Variants in NPAS2 observed in about 807,000 individuals in gnomAD.
The protein encoded by NPAS2 is neuronal PAS domain protein 2, also known as neuronal PAS domain-containing protein 2.
In NPAS2, 23 loss-of-function variants were observed where a neutral mutation model predicts 107.5. The observed-to-expected ratio is 0.21, with a 90% confidence interval of 0.15 to 0.30. NPAS2 has a LOEUF of 0.30. Among genes scored for constraint, NPAS2 ranks in the 10% least tolerant of loss-of-function variants. The pLI is 1.00. For missense variants in NPAS2, 756 were observed against 1,043.3 expected, an observed-to-expected ratio of 0.72 and a Z score of 3.79; for synonymous variants, 403 against 417.5, an observed-to-expected ratio of 0.97 and a Z score of 0.42.
At chr2:100,916,099 G>A (rs1682866352) in intron 2 of NPAS2, among the ~76,000 whole-genome samples, 1 of 151,884 alleles carries the variant, frequency 6.6e-6, no homozygotes, top group Non-Finnish European at 1.5e-5. Context: ...GAAATATGGA[G>A]GGGAAAACAA....
intron 16 of NPAS2, chr2:100,987,805 T>A: frequency 2.0e-6 from 1 of 489,776 alleles, no homozygotes; most frequent in Non-Finnish European, 3.7e-6. Context: ...AACATCTGGG[T>A]CTAAACAGCT....
At chr2:100,940,469 A>G (rs1336105637) in intron 5 of NPAS2, among the ~76,000 whole-genome samples, 1 of 152,272 alleles carries the variant, frequency 6.6e-6, no homozygotes, top group East Asian at 1.9e-4. Flanking sequence ...TCCTTTTGCA[A>G]TTTTGTTGAG....
intron 2 of NPAS2, among the ~76,000 whole-genome samples, chr2:100,916,581 A>G (rs1025226717): frequency 2.6e-5 from 4 of 152,206 alleles, no homozygotes; most frequent in Admixed American, 1.3e-4. Flanking sequence ...TACACCTAAA[A>G]ACAAAGCTTC....
rs1386029462 is a variant in NPAS2, at chr2:100,965,552, T to C, written c.801-108T>C. ...CAAAGTTATTTTTCTCCCCTTGTTC[T>C]TGAGAAATGAGGCCTCCATGTTGAT... On this transcript the variant is annotated intron_variant, in intron 9 of 20. Coordinates refer to ENST00000335681, the MANE Select transcript of NPAS2 (RefSeq NM_002518.4). This position sits in a 1 kb window ranked among gnomAD's most constrained non-coding sequence, Gnocchi z 4.3. The C allele has an allele frequency of 3.0e-6, 2 of 663,458 alleles. No individual in the cohort carries two copies. The highest frequency in any genetic ancestry group is 5.3e-6 in the Non-Finnish European group (2 of 376,566). The allele number at this position is 663,458 out of a possible 1,614,324, so 41.1% of individuals were successfully genotyped here. A position where few individuals can be genotyped will look rare whatever the true frequency, so the allele number is the denominator to read the frequency against.
chr2:100,938,837 A>G (rs1162159693), intron 5 of NPAS2, among the ~76,000 whole-genome samples: 1 of 152,036 alleles, frequency 6.6e-6, no homozygotes, highest in Non-Finnish European at 1.5e-5. Flanking sequence ...TGGACAAGAA[A>G]AAAACGTCCT....
At chr2:100,859,651 TG>T (rs1301952449) in intron 1 of NPAS2, among the ~76,000 whole-genome samples, 1 of 151,958 alleles carries the variant, frequency 6.6e-6, no homozygotes, top group Non-Finnish European at 1.5e-5. Context: ...AAGGACACCT[TG>T]GGTGGAGAGG....
intron 2 of NPAS2, among the ~76,000 whole-genome samples, chr2:100,912,215 CATTTATTT>C (rs200504991): frequency 0.28 from 39,696 of 143,146 alleles, 5,849 homozygotes; most frequent in East Asian, 0.33. Context: ...CAGTTTGCTC[CATTTATTT>C]ATTTATTTAT....
At chr2:100,889,259 C>CT (rs1431621915) in intron 1 of NPAS2, among the ~76,000 whole-genome samples, 6 of 152,182 alleles carry the variant, frequency 3.9e-5, no homozygotes, top group Admixed American at 6.5e-5. Flanking sequence ...GCATGGGACT[C>CT]TGAGTCTTGG....
intron 2 of NPAS2, among the ~76,000 whole-genome samples, chr2:100,912,913 T>C (rs1437485291): frequency 1.3e-5 from 2 of 152,194 alleles, no homozygotes; most frequent in South Asian, 4.1e-4. Context: ...AGAATCACCA[T>C]ATCAATGTCC....
At chr2:100,959,281 T>A (rs2053735) in intron 7 of NPAS2, among the ~76,000 whole-genome samples, 18,107 of 54,006 alleles carry the variant, frequency 0.34, 1,736 homozygotes, top group East Asian at 0.52. Flanking sequence ...AAAAAAAAAA[T>A]TTTTTTGCAA....
At chr2:100,917,609 C>T (rs1351342723) in intron 2 of NPAS2, among the ~76,000 whole-genome samples, 1 of 152,050 alleles carries the variant, frequency 6.6e-6, no homozygotes, top group African/African-American at 2.4e-5. Context: ...TTATCAATAG[C>T]AGGAATAAGA....
intron 2 of NPAS2, among the ~76,000 whole-genome samples, chr2:100,921,218 C>T (rs1683204968): frequency 6.6e-6 from 1 of 152,222 alleles, no homozygotes; most frequent in Non-Finnish European, 1.5e-5. Context: ...ACTTCCCAGA[C>T]CTGTGATGGT....
intron 15 of NPAS2, 115 bp downstream of exon 15, chr2:100,977,914 C>G (rs1354716374): frequency 1.2e-6 from 1 of 847,176 alleles, no homozygotes; most frequent in Non-Finnish European, 1.9e-6. Flanking sequence ...GGGGGAATGT[C>G]CCTCCCAATG....
At position 100,995,876 on chromosome 2, in the gene NPAS2, G is replaced by C. The variant is rs748763857; in HGVS notation, c.*294G>C. 10 of 1,487,626 alleles carry C rather than the reference G, an allele frequency of 6.7e-6. No individual in the cohort carries two copies. Among genetic ancestry groups the C allele is most frequent in the Non-Finnish European group, 9.0e-6 (10 of 1,109,296 alleles). 92.2% of individuals were successfully genotyped at this position (1,487,626 alleles called of 1,614,324 possible). ...CATCGTCGGTCGGTTTGCCGTCAGA[G>C]ATGGCGCATCTCGCTGCATCCCCCG... On this transcript the variant is annotated 3_prime_UTR_variant, in exon 21 of 21. Transcript: ENST00000335681.
Position 100,968,178 on chromosome 2 carries a change from T to G in NPAS2, c.908-103T>G. On this transcript the variant is annotated intron_variant, in intron 10 of 20. Coordinates refer to ENST00000335681, the MANE Select transcript of NPAS2 (RefSeq NM_002518.4). The surrounding 1 kb of genome is among the most constrained non-coding windows in gnomAD (Gnocchi z 5.3). ...AACCGGGGAAACAAGCCATGTTTGG[T>G]ATTGTCTTTTTTTTTGAAAGCTTAT... 1 of 1,228,470 alleles carries G rather than the reference T, an allele frequency of 8.1e-7. No homozygotes were observed. The highest frequency in any genetic ancestry group is 1.2e-6 in the Non-Finnish European group (1 of 857,284). The allele number at this position is 1,228,470 out of a possible 1,614,324, so 76.1% of individuals were successfully genotyped here.
In NPAS2 at chr2:100,964,856, T is replaced by G; in HGVS notation, c.718-5T>G. On this transcript the variant is annotated splice_region_variant and splice_polypyrimidine_tract_variant and intron_variant, in intron 8 of 20. Coordinates refer to ENST00000335681, the MANE Select transcript of NPAS2 (RefSeq NM_002518.4). Reference sequence around the variant, plus strand: ...ACTTTTTTTTTTTTTCTGCTTCCAATACAGGAAATGTGCATAGTTGACGAA... The same window carrying G: ...ACTTTTTTTTTTTTTCTGCTTCCAAGACAGGAAATGTGCATAGTTGACGAA... 6.4e-7 allele frequency: 1 copy of G among 1,560,662 alleles called. No homozygotes were observed. The highest frequency in any genetic ancestry group is 2.1e-5 in the Admixed American group (1 of 47,962).
At chr2:100,929,920 C>T (rs948803921) in intron 3 of NPAS2, among the ~76,000 whole-genome samples, 3 of 152,220 alleles carry the variant, frequency 2.0e-5, no homozygotes, top group African/African-American at 7.2e-5. Flanking sequence ...AATAATCTTT[C>T]AGCATTGCTA....
rs1393891340 is a variant in NPAS2, at chr2:100,988,064, C to T, written c.1630-15C>T. 3 of 1,612,578 alleles carry T rather than the reference C, an allele frequency of 1.9e-6. No individual in the cohort carries two copies. The highest frequency in any genetic ancestry group is 2.5e-6 in the Non-Finnish European group (3 of 1,178,940). ...CATGACCCCAACTTCACAGGCATTT[C>T]TATTCTGCTCCCAGATGTTCCTGCA... is the stretch of plus-strand genomic sequence containing the variant. On this transcript the variant is annotated splice_polypyrimidine_tract_variant and intron_variant, in intron 16 of 20. Coordinates refer to ENST00000335681, the MANE Select transcript of NPAS2 (RefSeq NM_002518.4).
At chr2:100,886,761 TA>T (rs933754716) in intron 1 of NPAS2, among the ~76,000 whole-genome samples, 1 of 152,158 alleles carries the variant, frequency 6.6e-6, no homozygotes, top group African/African-American at 2.4e-5. Context: ...TAATATCCTC[TA>T]GATGAATTCA....
Sources: allele counts gnomAD v4.1 joint callset (sites outside exome capture counted in the v4.1 genomes callset), GRCh38; gene constraint gnomAD v4.1.1; non-coding constraint Gnocchi (gnomAD v3.1); transcripts MANE v1.5; gene names NCBI Gene and HGNC (gene_info 2026-07-23, HGNC 2026-07-21).